TLL1: variants seen among roughly 807,000 people sequenced by gnomAD.
TLL1 encodes the protein tolloid like 1.
A neutral mutation model predicts 128.2 loss-of-function variants in TLL1; 49 were observed. That is an observed-to-expected ratio of 0.38 (90% CI 0.30 to 0.48). The LOEUF (loss-of-function observed/expected upper bound fraction) is 0.48, where lower values mean the gene tolerates loss of function less well. TLL1 is among the 20% of genes least tolerant of loss of function. TLL1 has a pLI of 0.96. For synonymous variants in TLL1, 454 were observed against 418.8 expected (o/e 1.08, Z -1.03); for missense variants, 1,123 against 1,242.0 (o/e 0.90, Z 1.44).
chr4:165,925,010 A>T (rs1039441503), intron 1 of TLL1, among the ~76,000 whole-genome samples: 20 of 152,218 alleles, frequency 1.3e-4, no homozygotes, highest in Admixed American at 2.6e-4. Flanking sequence ...TGCTCCAAAA[A>T]AAAGATTCTT....
At chr4:166,059,084 G>A (rs549428571) in intron 14 of TLL1, among the ~76,000 whole-genome samples, 1 of 152,140 alleles carries the variant, frequency 6.6e-6, no homozygotes, top group Non-Finnish European at 1.5e-5. Flanking sequence ...AAAATAACAA[G>A]ACTACTGTTT....
intron 5 of TLL1, among the ~76,000 whole-genome samples, chr4:165,997,182 A>T (rs1736923920): frequency 6.6e-6 from 1 of 152,142 alleles, no homozygotes; most frequent in Admixed American, 6.5e-5. Flanking sequence ...GCTTCACTTA[A>T]ATCTCATAAA....
At chr4:165,903,097 G>A (rs962282411) in intron 1 of TLL1, among the ~76,000 whole-genome samples, 1 of 152,222 alleles carries the variant, frequency 6.6e-6, no homozygotes, top group African/African-American at 2.4e-5. Flanking sequence ...CCAGCACTGT[G>A]GGAGGCTGAG....
At chr4:166,089,533 T>C (rs1503293) in intron 18 of TLL1, among the ~76,000 whole-genome samples, 93,335 of 151,990 alleles carry the variant, frequency 0.61, 30,944 homozygotes, top group South Asian at 0.76. Context: ...GATTAACAAG[T>C]GACACATTCC....
intron 19 of TLL1, among the ~76,000 whole-genome samples, chr4:166,095,807 G>A (rs1741990257): frequency 1.3e-5 from 2 of 152,064 alleles, no homozygotes; most frequent in Admixed American, 1.3e-4. Flanking sequence ...TCAGAATTCT[G>A]TAAGAACCGC....
chr4:166,056,070 A>G (rs996964813), intron 13 of TLL1, among the ~76,000 whole-genome samples: 1 of 152,192 alleles, frequency 6.6e-6, no homozygotes, highest in East Asian at 1.9e-4. Flanking sequence ...AGTGTAATGG[A>G]TTTTCCCTGG....
chr4:165,894,636 C>T (rs1731583891), intron 1 of TLL1, among the ~76,000 whole-genome samples: 1 of 151,986 alleles, frequency 6.6e-6, no homozygotes, highest in African/African-American at 2.4e-5. Context: ...AGATTAGAAC[C>T]ATGTTTATTG....
At chr4:166,010,494 G>T (rs1737638383) in intron 7 of TLL1, among the ~76,000 whole-genome samples, 1 of 150,586 alleles carries the variant, frequency 6.6e-6, no homozygotes, top group South Asian at 2.1e-4. Flanking sequence ...TTATTTTGTT[G>T]TTGAGTAGTA....
chr4:165,942,454 T>A (rs1456493967), intron 1 of TLL1, among the ~76,000 whole-genome samples: 1 of 151,960 alleles, frequency 6.6e-6, no homozygotes, highest in East Asian at 1.9e-4. Context: ...CAGTTACTGT[T>A]TTGTCTATCT....
intron 1 of TLL1, among the ~76,000 whole-genome samples, chr4:165,954,104 A>G (rs1734664579): frequency 6.6e-6 from 1 of 152,150 alleles, no homozygotes; most frequent in South Asian, 2.1e-4. Flanking sequence ...TAACTCCTCA[A>G]ATAATGGCTG....
At chr4:166,025,907 T>C (rs939655339) in intron 9 of TLL1, among the ~76,000 whole-genome samples, 6 of 151,928 alleles carry the variant, frequency 3.9e-5, no homozygotes, top group African/African-American at 1.5e-4. Context: ...CAGTAGGAAA[T>C]ATGAAATTCA....
At chr4:165,933,786 C>G (rs1733641217) in intron 1 of TLL1, among the ~76,000 whole-genome samples, 1 of 152,106 alleles carries the variant, frequency 6.6e-6, no homozygotes. Context: ...CAAGCACTCT[C>G]CACTTCTGCT....
chr4:165,998,324 CT>C (rs1283478351), intron 5 of TLL1, among the ~76,000 whole-genome samples: 10 of 151,894 alleles, frequency 6.6e-5, no homozygotes, highest in Middle Eastern at 6.3e-3. Context: ...GACTTCTCTC[CT>C]TTTATTAGAT....
chr4:165,895,008 T>TA (rs1234785544), intron 1 of TLL1, among the ~76,000 whole-genome samples: 1 of 152,026 alleles, frequency 6.6e-6, no homozygotes, highest in Non-Finnish European at 1.5e-5. Flanking sequence ...CAGTATAACT[T>TA]ACCACATTTA....
At chr4:166,085,972 A>T (rs1579724748) in intron 18 of TLL1, among the ~76,000 whole-genome samples, 1 of 152,120 alleles carries the variant, frequency 6.6e-6, no homozygotes, top group African/African-American at 2.4e-5. Context: ...GTAGTGGCTG[A>T]TAGGTATAAA....
At chr4:165,882,569 A>G (rs1731008286) in intron 1 of TLL1, among the ~76,000 whole-genome samples, 1 of 152,132 alleles carries the variant, frequency 6.6e-6, no homozygotes, top group Non-Finnish European at 1.5e-5. Context: ...GGTATCTGGA[A>G]CGGGTAAAGG....
chr4:165,897,749 T>C (rs1478885789), intron 1 of TLL1, among the ~76,000 whole-genome samples: 1 of 150,384 alleles, frequency 6.6e-6, no homozygotes, highest in Non-Finnish European at 1.5e-5. Flanking sequence ...AAAGTAGTTG[T>C]TTCTAATTCT....
At chr4:166,089,681 G>C (rs1486019031) in intron 18 of TLL1, among the ~76,000 whole-genome samples, 1 of 152,038 alleles carries the variant, frequency 6.6e-6, no homozygotes, top group Non-Finnish European at 1.5e-5. Context: ...TTTTGTACTA[G>C]CCAGTATCTT....
intron 1 of TLL1, among the ~76,000 whole-genome samples, chr4:165,935,107 A>G (rs1733704148): frequency 6.6e-6 from 1 of 152,214 alleles, no homozygotes; most frequent in Non-Finnish European, 1.5e-5. Context: ...AATATGCAGT[A>G]GTTACTCTCA....
Sources: allele counts gnomAD v4.1 joint callset (sites outside exome capture counted in the v4.1 genomes callset), GRCh38; gene constraint gnomAD v4.1.1; transcripts MANE v1.5; gene names NCBI Gene and HGNC (gene_info 2026-07-23, HGNC 2026-07-21).